DPEP1: variants seen among roughly 807,000 people sequenced by gnomAD.
The protein encoded by DPEP1 is beta-lactamase.
Under a neutral mutation model 42.3 loss-of-function variants are expected in DPEP1, and 50 were observed. The ratio of observed to expected loss-of-function variants is 1.18; its 90% CI spans 0.94 to 1.50. DPEP1 has a LOEUF of 1.50. Ranked by LOEUF, DPEP1 falls within the 40% of genes most tolerant of loss-of-function variation. The probability of loss-of-function intolerance (pLI) is 0.00; values close to 1 mark genes in which losing one functional copy is unlikely to be tolerated. For missense variants in DPEP1, 663 were observed against 553.0 expected, an observed-to-expected ratio of 1.20 and a Z score of -1.99; for synonymous variants, 297 against 234.0, an observed-to-expected ratio of 1.27 and a Z score of -2.46.
chr16:89,638,473 G>T, downstream of DPEP1: 1 of 1,303,016 alleles, frequency 7.7e-7, no homozygotes, highest in African/African-American at 1.5e-5. Context: ...TCAGGAGGTG[G>T]GGTGTTTTGT....
Position 89,637,672 on chromosome 16 carries a change from C to T in DPEP1, c.894C>T (p.Ala298=), listed in dbSNP as rs770909258. Residue 298 remains alanine (A), a synonymous_variant, in exon 9 of 11, where the codon GCC becomes GCT. Coordinates refer to ENST00000690203, the MANE Select transcript of DPEP1 (RefSeq NM_001389466.1). ...TCAAGGAGGTGGCAGGAGCCAGAGCCGTGGGTTTTGGTGGGGACTTTGATG... is the reference window on the plus strand; with the variant it reads ...TCAAGGAGGTGGCAGGAGCCAGAGCTGTGGGTTTTGGTGGGGACTTTGATG... ...DHIKEVAGAR[A]VGFGGDFDGV... 231 of 1,612,876 alleles carry T rather than the reference C, an allele frequency of 1.4e-4. No homozygotes were observed. Among genetic ancestry groups the T allele is most frequent in the Non-Finnish European group, 1.9e-4 (220 of 1,179,992 alleles).
intron 7 of DPEP1, 37 bp downstream of exon 7, chr16:89,637,417 T>G: frequency 1.2e-6 from 2 of 1,612,652 alleles, no homozygotes; most frequent in Non-Finnish European, 1.7e-6. Context: ...CCCGCCTCCC[T>G]GGGCAGGCCC....
chr16:89,624,251 G>T (rs1473580727), intron 1 of DPEP1, among the ~76,000 whole-genome samples: 1 of 152,092 alleles, frequency 6.6e-6, no homozygotes, highest in Non-Finnish European at 1.5e-5. Context: ...GGTGGGTTTG[G>T]CTCATGGTTG....
At chr16:89,634,091 C>CTTCTTT (rs1555631796) in intron 2 of DPEP1, among the ~76,000 whole-genome samples, 14 of 123,690 alleles carry the variant, frequency 1.1e-4, no homozygotes, top group African/African-American at 5.2e-4. Flanking sequence ...TTCTCTTCTT[C>CTTCTTT]TTTTTTTTTT....
chr16:89,628,733 A>G (rs935951312), intron 1 of DPEP1, among the ~76,000 whole-genome samples: 6 of 152,068 alleles, frequency 3.9e-5, no homozygotes, highest in African/African-American at 1.4e-4. Flanking sequence ...AGGGCTGTGT[A>G]GATAGTATTG....
intron 1 of DPEP1, among the ~76,000 whole-genome samples, chr16:89,616,489 G>C (rs948991303): frequency 6.6e-6 from 1 of 152,152 alleles, no homozygotes; most frequent in Admixed American, 6.5e-5. Context: ...CTGCATCCCC[G>C]GGGTGGTGAA....
intron 1 of DPEP1, among the ~76,000 whole-genome samples, chr16:89,614,576 T>C (rs563028749): frequency 3.4e-4 from 51 of 152,178 alleles, no homozygotes; most frequent in South Asian, 6.2e-4. Context: ...GGGCAGATCA[T>C]GAGGTCAGGA....
intron 1 of DPEP1, among the ~76,000 whole-genome samples, chr16:89,614,691 A>G (rs1249975754): frequency 6.6e-6 from 1 of 152,194 alleles, no homozygotes; most frequent in Admixed American, 6.5e-5. Context: ...GCTACTCGGG[A>G]GGCTGAAGCA....
intron 1 of DPEP1, among the ~76,000 whole-genome samples, chr16:89,615,311 T>G (rs1245399072): frequency 6.6e-6 from 1 of 152,116 alleles, no homozygotes; most frequent in African/African-American, 2.4e-5. Context: ...CAGGTCGGGC[T>G]GAGGCTCCCA....
intron 8 of DPEP1, 38 bp downstream of exon 8, chr16:89,637,590 G>A (rs375507155): frequency 2.5e-6 from 4 of 1,612,802 alleles, no homozygotes; most frequent in Non-Finnish European, 3.4e-6. Flanking sequence ...GCCGAAGGGG[G>A]AGGGCCTCAC....
At chr16:89,621,791 C>G (rs1459731640) in intron 1 of DPEP1, among the ~76,000 whole-genome samples, 1 of 152,194 alleles carries the variant, frequency 6.6e-6, no homozygotes, top group East Asian at 1.9e-4. Context: ...CTGCACATGT[C>G]TGTTCTAGGT....
chr16:89,637,830 A>T lies in DPEP1; in HGVS notation c.930-6A>T. 6.2e-7 allele frequency: 1 copy of T among 1,612,772 alleles called. No individual in the cohort carries two copies. On this transcript the variant is annotated splice_region_variant and splice_polypyrimidine_tract_variant and intron_variant, in intron 9 of 10. Coordinates refer to ENST00000690203, the MANE Select transcript of DPEP1 (RefSeq NM_001389466.1). The stretch of plus-strand genomic sequence containing the variant: ...GGGGGCCCAGGTTCTCCTGGCCTCA[A>T]CACAGGGTCCCTGAGGGGCTGGAGG...
chr16:89,638,563 G>A (rs1353156648), downstream of DPEP1: 6 of 999,056 alleles, frequency 6.0e-6, no homozygotes, highest in Admixed American at 2.3e-4. Context: ...GGGCTCAGGA[G>A]GTGTGAAAAG....
chr16:89,637,334 T>A lies in DPEP1; in HGVS notation c.722T>A (p.Val241Glu). ...VIFSHSSAYS[V>E]CASRRNVPDD... ...TTCAGCCACTCCTCGGCCTACAGCGTGTGCGCAAGCCGGCGCAACGTGCCT... is the reference window on the plus strand; with the variant it reads ...TTCAGCCACTCCTCGGCCTACAGCGAGTGCGCAAGCCGGCGCAACGTGCCT... The change falls in exon 7 of 11, where the codon GTG (valine) becomes GAG (glutamate). Residue 241 changes from valine to glutamate, a missense_variant. Val to Glu is a moderately radical substitution (Grantham distance 121). Coordinates refer to ENST00000690203, the MANE Select transcript of DPEP1 (RefSeq NM_001389466.1). 6.2e-7 allele frequency: 1 copy of A among 1,612,516 alleles called. No individual in the cohort carries two copies. Among genetic ancestry groups the A allele is most frequent in the Non-Finnish European group, 8.5e-7 (1 of 1,179,948 alleles).
At chr16:89,638,917 C>T (rs1475513600), downstream of DPEP1, among the ~76,000 whole-genome samples, 1 of 76,746 alleles carries the variant, frequency 1.3e-5, no homozygotes, top group Non-Finnish European at 2.5e-5. Flanking sequence ...ACACACACAC[C>T]GCACCCCTGC....
At position 89,637,801 on chromosome 16, in the gene DPEP1, G is replaced by C. The variant is rs1192122134; in HGVS notation, c.930-35G>C. The C allele has an allele frequency of 3.1e-6, 5 of 1,612,654 alleles. No homozygotes were observed. In the South Asian group the frequency reaches 4.4e-5, roughly 14 times the overall value. ...GGCTGGAGGAGGGACCTGTGTCCTA[G>C]TGTGGGGGCCCAGGTTCTCCTGGCC... is the stretch of plus-strand genomic sequence containing the variant. On this transcript the variant is annotated intron_variant, in intron 9 of 10. Coordinates refer to ENST00000690203, the MANE Select transcript of DPEP1 (RefSeq NM_001389466.1).
At position 89,630,493 on chromosome 16, in the gene DPEP1, G is replaced by C; in HGVS notation, c.83G>C (p.Arg28Thr). ...FFRDEAERIMRDSPVIDGHND... is the reference protein window; with the variant it reads ...FFRDEAERIMTDSPVIDGHND... ...CGGGACGAGGCAGAGAGGATCATGAGGGACTCCCCTGTCATTGATGGGTGA... is the reference window on the plus strand; with the variant it reads ...CGGGACGAGGCAGAGAGGATCATGACGGACTCCCCTGTCATTGATGGGTGA... The change falls in exon 2 of 11, where the codon AGG becomes ACG. Residue 28 changes from arginine (R) to threonine (T), a missense_variant. Transcript: ENST00000690203. 1 of 1,603,328 alleles carries C rather than the reference G, an allele frequency of 6.2e-7. No individual in the cohort carries two copies. Among genetic ancestry groups the C allele is most frequent in the Non-Finnish European group, 8.5e-7 (1 of 1,175,260 alleles).
Position 89,637,979 on chromosome 16 carries a change from T to G in DPEP1, c.1065+8T>G, listed in dbSNP as rs755483925. The G allele has an allele frequency of 2.5e-6, 4 of 1,607,432 alleles. No homozygotes were observed. The highest frequency in any genetic ancestry group is 3.4e-5 in the Admixed American group (2 of 58,902). ...TTCGAGGCTGTGGAACAGGTGAGGA[T>G]GGGGTGGCCACCTGAGTCTCCCCCA... On this transcript the variant is annotated splice_region_variant and intron_variant, in intron 10 of 10. Coordinates refer to ENST00000690203, the MANE Select transcript of DPEP1 (RefSeq NM_001389466.1).
chr16:89,622,317 G>T (rs534022743), intron 1 of DPEP1, among the ~76,000 whole-genome samples: 7 of 152,152 alleles, frequency 4.6e-5, no homozygotes, highest in African/African-American at 1.7e-4. Flanking sequence ...CTGGTCAGTC[G>T]GGGACATGAA....
Sources: gnomAD v4.1 joint callset for allele counts (sites outside exome capture counted in the v4.1 genomes callset) on GRCh38, gnomAD v4.1.1 for gene constraint, MANE v1.5 for transcripts, NCBI Gene and HGNC (gene_info 2026-07-23, HGNC 2026-07-21) for gene names.